The following ARHGEF10L variants were observed in gnomAD, a reference collection of about 807,000 sequenced individuals.
ARHGEF10L encodes the protein rho guanine nucleotide exchange factor 10-like protein.
In ARHGEF10L, 69 loss-of-function variants were observed where a neutral mutation model predicts 141.2. The ratio of observed to expected loss-of-function variants is 0.49; its 90% CI spans 0.40 to 0.60. The LOEUF is 0.60. ARHGEF10L is among the 20% of genes least tolerant of loss of function. The pLI is 0.00. For synonymous variants in ARHGEF10L, 711 were observed against 718.5 expected (o/e 0.99, Z 0.17); for missense variants, 1,482 against 1,734.3 (o/e 0.85, Z 2.58).
At chr1:17,564,484 G>A (rs1335311310) in intron 1 of ARHGEF10L, among the ~76,000 whole-genome samples, 1 of 152,192 alleles carries the variant, frequency 6.6e-6, no homozygotes, top group Non-Finnish European at 1.5e-5. Flanking sequence ...GAGGCTTCAT[G>A]GTCCCACCTG....
intron 1 of ARHGEF10L, among the ~76,000 whole-genome samples, chr1:17,550,326 C>A (rs1295309876): frequency 6.6e-6 from 1 of 152,146 alleles, no homozygotes; most frequent in Non-Finnish European, 1.5e-5. Context: ...GGGGCAGGTT[C>A]ACATTGAAAG....
chr1:17,578,643 G>T (rs2078325413), intron 1 of ARHGEF10L, among the ~76,000 whole-genome samples: 1 of 152,140 alleles, frequency 6.6e-6, no homozygotes, highest in Non-Finnish European at 1.5e-5. Context: ...CCATGATTGT[G>T]CCACTGCACT....
At chr1:17,638,493 T>C in intron 19 of ARHGEF10L, 69 bp from the exon 20 acceptor site, 2 of 1,599,232 alleles carry the variant, frequency 1.3e-6, no homozygotes, top group South Asian at 2.2e-5. Context: ...GTGATTCCTA[T>C]AGGATCTGGT....
At position 17,673,370 on chromosome 1, in the gene ARHGEF10L, G is replaced by A. The variant is rs2063449703; in HGVS notation, c.3009+8775G>A. Among the ~76,000 whole-genome samples the A allele has an allele frequency of 6.6e-6, 1 of 152,138 alleles. No homozygotes were observed. Among genetic ancestry groups the A allele is most frequent in the African/African-American group, 2.4e-5 (1 of 41,424 alleles). Reference sequence around the variant, plus strand: ...GAGGGGGAGGGCAGATGCCCAAGGGGCAGCTGCCCAGTCCTTTTGGAACTT... The same window carrying A: ...GAGGGGGAGGGCAGATGCCCAAGGGACAGCTGCCCAGTCCTTTTGGAACTT... On this transcript the variant is annotated intron_variant, in intron 26 of 28. Coordinates refer to ENST00000361221, the MANE Select transcript of ARHGEF10L (RefSeq NM_018125.4). The surrounding 1 kb of genome is among the most constrained non-coding windows in gnomAD (Gnocchi z 4.1).
intron 21 of ARHGEF10L, among the ~76,000 whole-genome samples, chr1:17,641,357 C>T (rs1026132052): frequency 6.6e-6 from 1 of 152,176 alleles, no homozygotes; most frequent in South Asian, 2.1e-4. Context: ...GAAGGCCGGG[C>T]GCAGTGGCTC....
intron 26 of ARHGEF10L, among the ~76,000 whole-genome samples, chr1:17,671,084 C>T (rs958848870): frequency 6.6e-6 from 1 of 152,276 alleles, no homozygotes; most frequent in African/African-American, 2.4e-5. Context: ...ACCGGCGCCT[C>T]ACTGCCTTGT....
intron 28 of ARHGEF10L, among the ~76,000 whole-genome samples, 189 bp from the exon 29 acceptor site, chr1:17,696,659 A>G (rs4920620): frequency 0.81 from 122,513 of 152,084 alleles, 49,686 homozygotes; most frequent in East Asian, 0.9. Flanking sequence ...TTTCTGTTCC[A>G]CTCCCCTGAG....
intron 14 of ARHGEF10L, 90 bp downstream of exon 14, chr1:17,626,138 CT>C: frequency 8.7e-7 from 1 of 1,155,968 alleles, no homozygotes; most frequent in East Asian, 2.4e-5. Flanking sequence ...GAGGTCTGGG[CT>C]CTTGTCCGTG....
chr1:17,588,849 AGTGTGTGT>A (rs57719075), intron 4 of ARHGEF10L, among the ~76,000 whole-genome samples: 6 of 20,434 alleles, frequency 2.9e-4, no homozygotes, highest in East Asian at 1.4e-3. Context: ...GAGGGTCCCC[AGTGTGTGT>A]GTGTGTGTGT....
chr1:17,636,601 G>A (rs892470824), intron 18 of ARHGEF10L, among the ~76,000 whole-genome samples: 3 of 152,042 alleles, frequency 2.0e-5, no homozygotes, highest in Non-Finnish European at 4.4e-5. Context: ...TTTCCCATGA[G>A]CTCCCCAGTT....
intron 26 of ARHGEF10L, 65 bp downstream of exon 26, chr1:17,664,660 T>G: frequency 7.0e-7 from 1 of 1,431,340 alleles, no homozygotes; most frequent in Non-Finnish European, 9.2e-7. Context: ...CCCTTTCTTA[T>G]GTCCACCCCG....
chr1:17,614,237 C>T (rs1205855995), intron 8 of ARHGEF10L, among the ~76,000 whole-genome samples: 5 of 150,918 alleles, frequency 3.3e-5, no homozygotes, highest in Admixed American at 2.0e-4. Flanking sequence ...TTTACAGTTA[C>T]GAGACCTTTC....
intron 1 of ARHGEF10L, among the ~76,000 whole-genome samples, chr1:17,569,006 A>G (rs1481606628): frequency 6.6e-6 from 1 of 152,148 alleles, no homozygotes; most frequent in African/African-American, 2.4e-5. Context: ...CATTGGCCTG[A>G]TCCTGATGGA....
chr1:17,527,675 CT>C, the ARHGEF10L span, among the ~76,000 whole-genome samples: 46 of 147,322 alleles, frequency 3.1e-4, no homozygotes, highest in South Asian at 4.3e-4. Flanking sequence ...CAAGACACTC[CT>C]TTTTTTTTTT....
chr1:17,638,095 T>C, intron 19 of ARHGEF10L, 92 bp downstream of exon 19: 1 of 1,154,844 alleles, frequency 8.7e-7, no homozygotes, highest in Non-Finnish European at 1.2e-6. Context: ...GCTCCTCTCC[T>C]GGCCCATGTC....
chr1:17,586,720 A>C (rs1488396458), intron 2 of ARHGEF10L, among the ~76,000 whole-genome samples: 1 of 152,132 alleles, frequency 6.6e-6, no homozygotes, highest in African/African-American at 2.4e-5. Context: ...CTTGGTGGGG[A>C]GTACAAACAA....
chr1:17,619,927 G>A lies in ARHGEF10L; in HGVS notation c.942+482G>A, dbSNP rs145405646. 8.5e-3 allele frequency among the ~76,000 whole-genome samples: 1,287 copies of A among 152,226 alleles called. 16 individuals are homozygous for A. The highest frequency in any genetic ancestry group is 0.029 in the African/African-American group (1,214 of 41,524). ...TCCTTGGCTGGGTGCGGTGGCTCATGCCTGTAACCCCAGCACTTTGGGAGG... is the reference window on the plus strand; with the variant it reads ...TCCTTGGCTGGGTGCGGTGGCTCATACCTGTAACCCCAGCACTTTGGGAGG... On this transcript the variant is annotated intron_variant, in intron 10 of 28. Transcript: ENST00000361221. The surrounding 1 kb of genome is among the most constrained non-coding windows in gnomAD (Gnocchi z 5.0).
At chr1:17,561,438 C>A (rs1403395124) in intron 1 of ARHGEF10L, among the ~76,000 whole-genome samples, 1 of 152,218 alleles carries the variant, frequency 6.6e-6, no homozygotes, top group Non-Finnish European at 1.5e-5. Flanking sequence ...GTCCTGCCCC[C>A]CGCAGCCTTG....
chr1:17,601,593 G>GCAC (rs1340371240), intron 4 of ARHGEF10L, among the ~76,000 whole-genome samples: 1 of 152,140 alleles, frequency 6.6e-6, no homozygotes, highest in African/African-American at 2.4e-5. Flanking sequence ...CTACAGGCAT[G>GCAC]CACCACCACG....
Sources: gnomAD v4.1 joint callset for allele counts (sites outside exome capture counted in the v4.1 genomes callset) on GRCh38, gnomAD v4.1.1 for gene constraint, Gnocchi (gnomAD v3.1) non-coding constraint, MANE v1.5 for transcripts, NCBI Gene and HGNC (gene_info 2026-07-23, HGNC 2026-07-21) for gene names.